The following RIMS2 variants were observed in gnomAD, a reference collection of about 807,000 sequenced individuals.
RIMS2 encodes the protein regulating synaptic membrane exocytosis protein 2.
In RIMS2, 59 loss-of-function variants were observed where a neutral mutation model predicts 174.4. The observed-to-expected ratio is 0.34, with a 90% CI of 0.27 to 0.42. RIMS2 has a LOEUF of 0.42. Among genes scored for constraint, RIMS2 ranks in the 10% least tolerant of loss-of-function variants. RIMS2 has a pLI of 1.00. For synonymous variants in RIMS2, 606 were observed against 572.5 expected (o/e 1.06, Z -0.84); for missense variants, 1,620 against 1,666.3 (o/e 0.97, Z 0.48).
At chr8:103,976,761 T>C in intron 16 of RIMS2, 1 of 152,276 alleles carries the variant, frequency 6.6e-6, no homozygotes, top group African/African-American at 2.4e-5. Context: ...TTGGCCAGGA[T>C]GGTCTTGATC....
intron 19 of RIMS2, among the ~76,000 whole-genome samples, chr8:104,069,803 C>T (rs2097167741): frequency 6.6e-6 from 1 of 152,024 alleles, no homozygotes; most frequent in Non-Finnish European, 1.5e-5. Flanking sequence ...TTTTTATATT[C>T]AAGACATTTT....
chr8:103,849,114 A>G lies in RIMS2; in HGVS notation c.699-36184A>G, dbSNP rs147180824. On this transcript the variant is annotated intron_variant, in intron 3 of 23. Transcript: ENST00000504942. The stretch of plus-strand genomic sequence containing the variant: ...TAATCCAGTGCATCCCTTGCTACCT[A>G]TAATCTATTCCAATTCGCTATAGGT... Among the ~76,000 whole-genome samples, 933 of 152,218 alleles carry G rather than the reference A, an allele frequency of 6.1e-3. 11 individuals are homozygous for G. The highest frequency in any genetic ancestry group is 0.021 in the African/African-American group (882 of 41,552).
intron 19 of RIMS2, chr8:104,223,397 T>G: frequency 7.9e-7 from 1 of 1,261,776 alleles, no homozygotes; most frequent in Non-Finnish European, 9.9e-7. Flanking sequence ...GGACGTTCAC[T>G]GCGAGCAGCC....
intron 3 of RIMS2, among the ~76,000 whole-genome samples, chr8:103,798,136 A>G (rs1409752347): frequency 6.6e-6 from 1 of 152,206 alleles, no homozygotes; most frequent in Non-Finnish European, 1.5e-5. Context: ...ATGGAGAAAT[A>G]CAAAGACAGT....
At chr8:103,738,856 G>T (rs551854838) in intron 2 of RIMS2, among the ~76,000 whole-genome samples, 2 of 151,318 alleles carry the variant, frequency 1.3e-5, no homozygotes, top group African/African-American at 4.8e-5. Flanking sequence ...TTAGAATGGC[G>T]ATCATTAAAA....
chr8:103,811,682 G>T (rs2098688722), intron 3 of RIMS2, among the ~76,000 whole-genome samples: 1 of 152,204 alleles, frequency 6.6e-6, no homozygotes, highest in African/African-American at 2.4e-5. Context: ...CTGGCCTCAG[G>T]TGATGCACCC....
chr8:103,996,788 G>A (rs533323232), intron 17 of RIMS2, among the ~76,000 whole-genome samples: 1 of 151,976 alleles, frequency 6.6e-6, no homozygotes, highest in East Asian at 1.9e-4. Flanking sequence ...GGGAATAGTA[G>A]AACCTACCTC....
At chr8:103,622,296 T>G (rs2095653977) in intron 1 of RIMS2, among the ~76,000 whole-genome samples, 1 of 152,094 alleles carries the variant, frequency 6.6e-6, no homozygotes, top group Non-Finnish European at 1.5e-5. Flanking sequence ...TTTTTCAGCA[T>G]CATCACTATA....
chr8:103,774,860 G>A (rs1301439329), intron 3 of RIMS2, among the ~76,000 whole-genome samples: 1 of 152,056 alleles, frequency 6.6e-6, no homozygotes, highest in Non-Finnish European at 1.5e-5. Flanking sequence ...TAGCGGTAAC[G>A]TTTAAGATCT....
At chr8:103,827,148 A>G (rs1016046377) in intron 3 of RIMS2, among the ~76,000 whole-genome samples, 3 of 152,056 alleles carry the variant, frequency 2.0e-5, no homozygotes, top group Non-Finnish European at 4.4e-5. Flanking sequence ...ATTTATCCAA[A>G]CAGTGTTTTA....
intron 5 of RIMS2, chr8:103,910,460 G>T (rs768670862): frequency 6.3e-7 from 1 of 1,597,742 alleles, no homozygotes; most frequent in Non-Finnish European, 8.5e-7. Context: ...CTGAACCTCA[G>T]ATTAAGGACT....
At chr8:103,586,461 A>G (rs909288936) in intron 1 of RIMS2, among the ~76,000 whole-genome samples, 17 of 152,154 alleles carry the variant, frequency 1.1e-4, no homozygotes, top group African/African-American at 4.1e-4. Flanking sequence ...AAACTAAACA[A>G]ACACATGGAA....
intron 19 of RIMS2, among the ~76,000 whole-genome samples, chr8:104,152,186 T>A (rs550010704): frequency 6.6e-6 from 1 of 152,220 alleles, no homozygotes; most frequent in Admixed American, 6.5e-5. Flanking sequence ...ATTTAAGAAA[T>A]GTAGTCTTGT....
intron 1 of RIMS2, among the ~76,000 whole-genome samples, chr8:103,577,012 T>C (rs1457327009): frequency 6.6e-6 from 1 of 152,206 alleles, no homozygotes; most frequent in Non-Finnish European, 1.5e-5. Context: ...GACATAGGCA[T>C]GGGCAAAGAC....
At chr8:104,127,730 T>C (rs1341040211) in intron 19 of RIMS2, among the ~76,000 whole-genome samples, 1 of 151,064 alleles carries the variant, frequency 6.6e-6, no homozygotes, top group African/African-American at 2.5e-5. Flanking sequence ...GATAAATGGT[T>C]GCAAAAAAAA....
intron 1 of RIMS2, among the ~76,000 whole-genome samples, chr8:103,588,951 C>T (rs929959754): frequency 6.6e-6 from 1 of 151,718 alleles, no homozygotes; most frequent in African/African-American, 2.4e-5. Context: ...GCAAAGGATA[C>T]AATCAACAAA....
chr8:103,718,537 T>G (rs775581340), intron 2 of RIMS2, among the ~76,000 whole-genome samples: 16 of 152,186 alleles, frequency 1.1e-4, no homozygotes, highest in Non-Finnish European at 2.2e-4. Flanking sequence ...TATAACTAGA[T>G]GAAACTTTGG....
At position 103,757,010 on chromosome 8, in the gene RIMS2, TGAGAGAGAGAGAGA is replaced by T. The variant is rs375031125; in HGVS notation, c.388-9202_388-9189del. On this transcript the variant is annotated intron_variant, in intron 2 of 23. Coordinates refer to ENST00000504942, the Ensembl canonical transcript of RIMS2. ...GTGTGTGTGTGTGTGTGTGTGTGTGTGAGAGAGAGAGAGAGAGAGAGAGAGAGATACAGAGAGAG... is the reference window on the plus strand; with the variant it reads ...GTGTGTGTGTGTGTGTGTGTGTGTGTGAGAGAGAGAGAGATACAGAGAGAG... Among the ~76,000 whole-genome samples the T allele has an allele frequency of 1.3e-3, 153 of 114,352 alleles. 2 individuals are homozygous for T. In the South Asian group the frequency reaches 0.019, roughly 14 times the overall value. 75.0% of individuals were successfully genotyped at this position (114,352 alleles called of 152,430 possible). A position where few individuals can be genotyped will look rare whatever the true frequency, so the allele number is the denominator to read the frequency against.
At chr8:104,049,259 A>C (rs942906239) in intron 19 of RIMS2, among the ~76,000 whole-genome samples, 1 of 151,996 alleles carries the variant, frequency 6.6e-6, no homozygotes, top group Admixed American at 6.6e-5. Flanking sequence ...CATCTCTACT[A>C]AAAATACAAA....
Sources: allele counts gnomAD v4.1 joint callset (sites outside exome capture counted in the v4.1 genomes callset), GRCh38; gene constraint gnomAD v4.1.1; transcripts MANE v1.5; gene names NCBI Gene and HGNC (gene_info 2026-07-23, HGNC 2026-07-21).